Variants in FAM114A2 observed in about 807,000 individuals in gnomAD.
FAM114A2 encodes the protein protein FAM114A2.
A neutral mutation model predicts 58.4 loss-of-function variants in FAM114A2; 53 were observed. The observed-to-expected ratio is 0.91, with a 90% CI of 0.73 to 1.14. The LOEUF (loss-of-function observed/expected upper bound fraction) is 1.14. Among genes scored for constraint, FAM114A2 ranks in the 50% most tolerant of loss-of-function variants. The pLI, the probability that FAM114A2 is intolerant of heterozygous loss-of-function variation, is 0.00. For missense variants in FAM114A2, 601 were observed against 581.1 expected, an observed-to-expected ratio of 1.03 and a Z score of -0.35; for synonymous variants, 228 against 211.4, an observed-to-expected ratio of 1.08 and a Z score of -0.68.
At chr5:154,011,343 A>G (rs1404361306) in intron 8 of FAM114A2, 23 bp from the exon 9 acceptor site, 2 of 1,558,678 alleles carry the variant, frequency 1.3e-6, no homozygotes, top group African/African-American at 2.7e-5. Flanking sequence ...GTCCCATATA[A>G]AACACTCCAG....
chr5:154,011,385 G>A lies in FAM114A2; in HGVS notation c.914-65C>T, dbSNP rs767647305. On this transcript the variant is annotated intron_variant, in intron 8 of 13. Transcript: ENST00000351797. The stretch of plus-strand genomic sequence containing the variant: ...TGCTGAGGATCATGAGGTGGCAGGC[G>A]AGGAGGAAGAGGAGAGGAGTGGTAA... 1.9e-4 allele frequency: 192 copies of A among 1,000,134 alleles called. No homozygotes were observed. Among genetic ancestry groups the A allele is most frequent in the Non-Finnish European group, 2.7e-4 (171 of 634,402 alleles). 62.0% of individuals were successfully genotyped at this position (1,000,134 alleles called of 1,614,324 possible).
intron 4 of FAM114A2, among the ~76,000 whole-genome samples, chr5:154,031,312 C>CAAAAAAAAAAAAG (rs1772178228): frequency 8.4e-5 from 4 of 47,858 alleles, no homozygotes; most frequent in Non-Finnish European, 1.3e-4. Context: ...ACTCCCTCTC[C>CAAAAAAAAAAAAG]AAAAAAAAAA....
chr5:153,994,986 TACATTTTTAAGTGA>T lies in FAM114A2; in HGVS notation c.1330-28_1330-15del. The T allele has an allele frequency of 1.3e-6, 2 of 1,594,202 alleles. No individual in the cohort carries two copies. The highest frequency in any genetic ancestry group is 1.7e-6 in the Non-Finnish European group (2 of 1,162,110). The stretch of plus-strand genomic sequence containing the variant: ...CATTTCTTTGACCTGGAATAACGAA[TACATTTTTAAGTGA>T]GCAGAGTAGGTTAAATAACAGTAAG... On this transcript the variant is annotated splice_polypyrimidine_tract_variant and intron_variant, in intron 12 of 13. Coordinates refer to ENST00000351797, the MANE Select transcript of FAM114A2 (RefSeq NM_018691.4).
At chr5:154,007,261 T>C (rs1035475730) in intron 9 of FAM114A2, among the ~76,000 whole-genome samples, 4 of 152,184 alleles carry the variant, frequency 2.6e-5, no homozygotes, top group Non-Finnish European at 5.9e-5. Flanking sequence ...AACTTCCCAC[T>C]TGTTGAGATC....
intron 1 of FAM114A2, chr5:154,036,111 T>G (rs1180043591): frequency 1.3e-5 from 2 of 152,236 alleles, no homozygotes; most frequent in East Asian, 1.9e-4. Context: ...TTTTCCAGTA[T>G]GTAGCTTATC....
At chr5:154,004,976 C>G (rs866958365) in intron 9 of FAM114A2, among the ~76,000 whole-genome samples, 4 of 152,282 alleles carry the variant, frequency 2.6e-5, no homozygotes, top group Middle Eastern at 6.8e-3. Flanking sequence ...TATCATTTTC[C>G]ACTTTATCTT....
chr5:154,026,337 G>A, intron 8 of FAM114A2, 62 bp downstream of exon 8: 1 of 1,247,236 alleles, frequency 8.0e-7, no homozygotes, highest in Non-Finnish European at 1.1e-6. Flanking sequence ...TATTTCAAGG[G>A]CAATGCACTG....
intron 11 of FAM114A2, among the ~76,000 whole-genome samples, chr5:153,999,088 GA>G (rs1316607941): frequency 6.6e-6 from 1 of 151,958 alleles, no homozygotes. Flanking sequence ...GTACTAAGAT[GA>G]AAAAAAGCAA....
chr5:153,994,224 T>C (rs1769417075), intron 13 of FAM114A2, among the ~76,000 whole-genome samples: 1 of 152,214 alleles, frequency 6.6e-6, no homozygotes, highest in African/African-American at 2.4e-5. Flanking sequence ...AGTTAAAACA[T>C]TTTTTCAATT....
At position 154,002,881 on chromosome 5, in the gene FAM114A2, T is replaced by C. The variant is rs759222278; in HGVS notation, c.1082A>G (p.Glu361Gly). The C allele has an allele frequency of 2.5e-6, 4 of 1,614,036 alleles. No individual in the cohort carries two copies. The African/African-American group carries it at 4.0e-5, about 16-fold the overall frequency. The change falls in exon 10 of 14, where the codon GAA becomes GGA. Residue 361 changes from glutamate to glycine, a missense_variant. Glu to Gly is a moderately conservative substitution (Grantham distance 98). Transcript: ENST00000351797. The part of the protein sequence containing the change: ...NEEGEKQSEA[E>G]NTEQVNKNSI... ...ATTTTTGTTGACTTGCTCAGTATTT[T>C]CTGCTTCCGACTGTTTTTCTCCTTC...
chr5:154,021,674 C>T (rs963236111), intron 8 of FAM114A2, among the ~76,000 whole-genome samples: 1 of 152,198 alleles, frequency 6.6e-6, no homozygotes, highest in African/African-American at 2.4e-5. Context: ...AAGAACATTC[C>T]ATGCTCATAG....
At chr5:154,013,804 G>A (rs1195720223) in intron 8 of FAM114A2, among the ~76,000 whole-genome samples, 3 of 152,158 alleles carry the variant, frequency 2.0e-5, no homozygotes, top group African/African-American at 7.2e-5. Flanking sequence ...TTGGTTTCCT[G>A]CTAAGACTTT....
chr5:154,036,971 T>C (rs1772601475), intron 1 of FAM114A2: 2 of 152,256 alleles, frequency 1.3e-5, no homozygotes, highest in South Asian at 4.1e-4. Flanking sequence ...TGGGCCCTTT[T>C]AGCTAGGGCA....
intron 1 of FAM114A2, among the ~76,000 whole-genome samples, chr5:154,036,027 T>C (rs944302931): frequency 8.5e-5 from 13 of 152,306 alleles, no homozygotes; most frequent in Non-Finnish European, 1.6e-4. Flanking sequence ...CATTTTCTAA[T>C]GAGATTTTTT....
rs1279446293 is a variant in FAM114A2, at chr5:154,011,274, C to T, written c.960G>A (p.Leu320=). The T allele has an allele frequency of 1.2e-6, 2 of 1,612,242 alleles. No individual in the cohort carries two copies. Among genetic ancestry groups the T allele is most frequent in the African/African-American group, 1.3e-5 (1 of 74,868 alleles). The change falls in exon 9 of 14, where the codon CTG becomes CTA. Residue 320 remains leucine (L), a synonymous_variant. Coordinates refer to ENST00000351797, the MANE Select transcript of FAM114A2 (RefSeq NM_018691.4). ...TKDITELFSQ[L]HVSSKPEKLA... ...GTTTCTCTGGTTTGGAGGAAACGTG[C>T]AGCTGGGAAAACAGCTCTGTTATGT...
At chr5:153,993,237 G>T (rs1314317276) in intron 13 of FAM114A2, 127 bp from the exon 14 acceptor site, 1 of 712,386 alleles carries the variant, frequency 1.4e-6, no homozygotes, top group African/African-American at 1.8e-5. Context: ...GCAAGTAAGA[G>T]CAGTGACTTG....
chr5:154,006,773 T>C, intron 9 of FAM114A2, among the ~76,000 whole-genome samples: 1 of 149,958 alleles, frequency 6.7e-6, no homozygotes, highest in East Asian at 2.0e-4. Flanking sequence ...ACGGATACCA[T>C]AAATTTAATA....
At chr5:154,022,674 T>C (rs1259208805) in intron 8 of FAM114A2, among the ~76,000 whole-genome samples, 1 of 152,208 alleles carries the variant, frequency 6.6e-6, no homozygotes, top group Non-Finnish European at 1.5e-5. Context: ...AGGAATGCTT[T>C]TACAATGTTG....
At chr5:154,021,466 G>A (rs919021370) in intron 8 of FAM114A2, among the ~76,000 whole-genome samples, 3 of 152,184 alleles carry the variant, frequency 2.0e-5, no homozygotes, top group Admixed American at 6.5e-5. Context: ...ACACAAAATC[G>A]ATGTTGAAAA....
Sources: gnomAD v4.1 joint callset for allele counts (sites outside exome capture counted in the v4.1 genomes callset) on GRCh38, gnomAD v4.1.1 for gene constraint, MANE v1.5 for transcripts, NCBI Gene and HGNC (gene_info 2026-07-23, HGNC 2026-07-21) for gene names.